The following PDE1A variants were observed in gnomAD, a reference collection of about 807,000 sequenced individuals.
PDE1A encodes the protein dual specificity calcium/calmodulin-dependent 3',5'-cyclic nucleotide phosphodiesterase 1A.
Under a neutral mutation model 61.7 loss-of-function variants are expected in PDE1A, and 35 were observed. The ratio of observed to expected loss-of-function variants is 0.57; its 90% CI spans 0.43 to 0.75. The LOEUF (loss-of-function observed/expected upper bound fraction) is 0.75. Ranked by LOEUF, PDE1A falls within the 30% of genes least tolerant of loss-of-function variation. The probability of loss-of-function intolerance (pLI) is 0.00; values close to 1 mark genes in which losing one functional copy is unlikely to be tolerated. For missense variants in PDE1A, 597 were observed against 630.6 expected (o/e 0.95, Z 0.57); for synonymous variants, 232 against 213.2 (o/e 1.09, Z -0.77).
At chr2:182,363,946 C>A (rs1012835234) in intron 1 of PDE1A, among the ~76,000 whole-genome samples, 1 of 151,940 alleles carries the variant, frequency 6.6e-6, no homozygotes, top group African/African-American at 2.4e-5. Context: ...CATGCCACCT[C>A]CAGATTGAAA....
intron 2 of PDE1A, among the ~76,000 whole-genome samples, chr2:182,459,956 G>A (rs1001174094): frequency 1.3e-5 from 2 of 152,076 alleles, no homozygotes; most frequent in Non-Finnish European, 2.9e-5. Context: ...AAACCCTTAA[G>A]GTCAAATAAT....
chr2:182,663,150 A>C, the PDE1A span, among the ~76,000 whole-genome samples: 2 of 152,238 alleles, frequency 1.3e-5, no homozygotes, highest in Non-Finnish European at 2.9e-5. Context: ...AACACCAGTT[A>C]GAATGGCTAT....
intron 1 of PDE1A, among the ~76,000 whole-genome samples, chr2:182,346,829 A>C (rs1698548616): frequency 6.6e-6 from 1 of 152,182 alleles, no homozygotes; most frequent in Admixed American, 6.5e-5. Flanking sequence ...GATCACTCAG[A>C]GAATAAATAA....
chr2:182,712,533 C>G, the PDE1A span, among the ~76,000 whole-genome samples: 1 of 152,098 alleles, frequency 6.6e-6, no homozygotes, highest in East Asian at 1.9e-4. Flanking sequence ...ATTTAACATT[C>G]TTGTAACTTT....
At chr2:182,482,423 C>T (rs1052059795) in intron 2 of PDE1A, among the ~76,000 whole-genome samples, 2 of 151,700 alleles carry the variant, frequency 1.3e-5, no homozygotes, top group Non-Finnish European at 1.5e-5. Flanking sequence ...AAAAAGAAAG[C>T]CCACATTTCA....
intron 10 of PDE1A, among the ~76,000 whole-genome samples, chr2:182,194,433 C>T (rs960693412): frequency 1.3e-5 from 2 of 152,076 alleles, no homozygotes; most frequent in Non-Finnish European, 2.9e-5. Context: ...CAGCATCCTC[C>T]AAATCTACCC....
At chr2:182,555,170 G>A in the PDE1A span, among the ~76,000 whole-genome samples, 1 of 152,186 alleles carries the variant, frequency 6.6e-6, no homozygotes, top group Non-Finnish European at 1.5e-5. Flanking sequence ...GCTTTCTGTT[G>A]ACAGAGGCAC....
chr2:182,697,681 A>G, the PDE1A span, among the ~76,000 whole-genome samples: 1 of 152,250 alleles, frequency 6.6e-6, no homozygotes, highest in Non-Finnish European at 1.5e-5. Context: ...AGACCAAGAG[A>G]GGCCTACTTT....
chr2:182,458,643 G>T (rs1287261738), intron 2 of PDE1A, among the ~76,000 whole-genome samples: 1 of 152,086 alleles, frequency 6.6e-6, no homozygotes, highest in Non-Finnish European at 1.5e-5. Context: ...GGAAGTAGCA[G>T]ACTCAAGACT....
intron 1 of PDE1A, among the ~76,000 whole-genome samples, chr2:182,381,070 C>T (rs1000847213): frequency 2.6e-5 from 4 of 152,044 alleles, no homozygotes; most frequent in African/African-American, 7.2e-5. Flanking sequence ...GAGCTCTAAG[C>T]ACTTAGAATC....
chr2:182,679,613 T>C, the PDE1A span, among the ~76,000 whole-genome samples: 1 of 151,990 alleles, frequency 6.6e-6, no homozygotes, highest in South Asian at 2.1e-4. Context: ...TAAAACTTTT[T>C]AAAAAAGGAA....
chr2:182,512,601 A>G (rs1689874149), intron 2 of PDE1A, among the ~76,000 whole-genome samples: 2 of 152,206 alleles, frequency 1.3e-5, no homozygotes, highest in African/African-American at 4.8e-5. Context: ...TTACCAGACG[A>G]AATAGTTGAA....
intron 1 of PDE1A, among the ~76,000 whole-genome samples, chr2:182,339,250 A>G (rs7589514): frequency 0.22 from 33,916 of 151,994 alleles, 4,410 homozygotes; most frequent in East Asian, 0.58. Flanking sequence ...TGAAATTTGT[A>G]TTTCTCAAAG....
chr2:182,403,745 T>C (rs1336563759), intron 1 of PDE1A, among the ~76,000 whole-genome samples: 1 of 151,696 alleles, frequency 6.6e-6, no homozygotes, highest in African/African-American at 2.4e-5. Context: ...CAGAAAACCA[T>C]ATACTGCATG....
the PDE1A span, among the ~76,000 whole-genome samples, chr2:182,645,893 T>C: frequency 6.6e-6 from 1 of 152,198 alleles, no homozygotes; most frequent in Non-Finnish European, 1.5e-5. Context: ...ATGTTAAATG[T>C]CATCCAAAGT....
chr2:182,405,200 C>T (rs1005314582), intron 1 of PDE1A, among the ~76,000 whole-genome samples: 7 of 152,070 alleles, frequency 4.6e-5, no homozygotes, highest in South Asian at 2.1e-4. Flanking sequence ...AGCACATGAC[C>T]GTACATATAT....
the PDE1A span, among the ~76,000 whole-genome samples, chr2:182,695,121 C>T: frequency 1.3e-5 from 2 of 151,864 alleles, no homozygotes; most frequent in Non-Finnish European, 2.9e-5. Context: ...TTTTATTCCT[C>T]GCATTATTTA....
At chr2:182,264,233 G>C in intron 2 of PDE1A, 68 bp downstream of exon 2, 2 of 1,008,738 alleles carry the variant, frequency 2.0e-6, no homozygotes, top group Non-Finnish European at 3.0e-6. Context: ...GATAAAGGAG[G>C]GTCAAGAAAG....
chr2:182,302,800 T>G (rs1372654829), intron 1 of PDE1A, among the ~76,000 whole-genome samples: 1 of 152,192 alleles, frequency 6.6e-6, no homozygotes, highest in Non-Finnish European at 1.5e-5. Context: ...CTAAGTTTTT[T>G]TTTTCTTACC....
Sources: gnomAD v4.1 joint callset for allele counts (sites outside exome capture counted in the v4.1 genomes callset) on GRCh38, gnomAD v4.1.1 for gene constraint, MANE v1.5 for transcripts, NCBI Gene and HGNC (gene_info 2026-07-23, HGNC 2026-07-21) for gene names.